Variants in OPCML observed in about 807,000 individuals in gnomAD.
OPCML encodes the protein opioid binding protein/cell adhesion molecule like.
A neutral mutation model predicts 37.8 loss-of-function variants in OPCML; 13 were observed. The ratio of observed to expected loss-of-function variants is 0.34; its 90% CI spans 0.22 to 0.55. The LOEUF (loss-of-function observed/expected upper bound fraction) is 0.55. Ranked by LOEUF, OPCML falls within the 20% of genes least tolerant of loss-of-function variation. The pLI is 0.91. For missense variants in OPCML, 341 were observed against 435.6 expected, an observed-to-expected ratio of 0.78 and a Z score of 1.93; for synonymous variants, 176 against 168.8, an observed-to-expected ratio of 1.04 and a Z score of -0.33.
intron 1 of OPCML, among the ~76,000 whole-genome samples, chr11:133,386,827 G>A (rs1945065255): frequency 6.6e-6 from 1 of 152,170 alleles, no homozygotes; most frequent in South Asian, 2.1e-4. Context: ...AAAACTGGCA[G>A]TCCAGCCCCA....
At chr11:132,964,907 G>A (rs1418443882) in intron 1 of OPCML, among the ~76,000 whole-genome samples, 1 of 152,204 alleles carries the variant, frequency 6.6e-6, no homozygotes, top group Non-Finnish European at 1.5e-5. Context: ...ATCAAGCAGA[G>A]ACTGGTGGAT....
intron 4 of OPCML, among the ~76,000 whole-genome samples, chr11:132,488,307 G>A (rs951151621): frequency 1.3e-5 from 2 of 152,216 alleles, no homozygotes; most frequent in Admixed American, 6.5e-5. Context: ...TCTGGGAAAT[G>A]TGTTGAAGGC....
intron 1 of OPCML, among the ~76,000 whole-genome samples, chr11:133,247,686 C>T (rs1244810609): frequency 6.6e-6 from 1 of 151,708 alleles, no homozygotes; most frequent in Non-Finnish European, 1.5e-5. Flanking sequence ...TCACTGCAAC[C>T]ACTGCCTCTC....
intron 1 of OPCML, among the ~76,000 whole-genome samples, chr11:132,972,912 G>C (rs1261881831): frequency 6.6e-6 from 1 of 152,100 alleles, no homozygotes; most frequent in Non-Finnish European, 1.5e-5. Context: ...ATGGAAAAAA[G>C]CACCACCTAG....
intron 1 of OPCML, among the ~76,000 whole-genome samples, chr11:133,063,767 A>G (rs1440168890): frequency 6.6e-6 from 1 of 152,036 alleles, no homozygotes; most frequent in East Asian, 1.9e-4. Context: ...TCACCATGTT[A>G]GCCAGGCTGG....
At chr11:132,752,240 C>T (rs1945861165) in intron 2 of OPCML, among the ~76,000 whole-genome samples, 2 of 150,222 alleles carry the variant, frequency 1.3e-5, no homozygotes, top group African/African-American at 4.9e-5. Flanking sequence ...CACTTCACAC[C>T]AAGCATCCCC....
rs567560577 is a variant in OPCML at position 133,174,680 on chromosome 11, G to C, written c.62-231670C>G. On this transcript the variant is annotated intron_variant, in intron 1 of 7. Transcript: ENST00000524381. The surrounding 1 kb of genome is among the most constrained non-coding windows in gnomAD (Gnocchi z 4.6). Reference sequence around the variant, plus strand: ...AAAAGCAGGGGGAAGTTAAACACCTGAGTGAAGTGTGTGTATTTCTTGTCT... The same window carrying C: ...AAAAGCAGGGGGAAGTTAAACACCTCAGTGAAGTGTGTGTATTTCTTGTCT... Among the ~76,000 whole-genome samples, 21 of 149,372 alleles carry C rather than the reference G, an allele frequency of 1.4e-4. No individual in the cohort carries two copies. Among genetic ancestry groups the C allele is most frequent in the Admixed American group, 2.7e-4 (4 of 14,988 alleles).
intron 1 of OPCML, among the ~76,000 whole-genome samples, chr11:133,285,044 A>G (rs1942260323): frequency 1.3e-5 from 2 of 152,150 alleles, no homozygotes; most frequent in South Asian, 4.2e-4. Flanking sequence ...AAATCAGAAC[A>G]CAAGAAGTGG....
chr11:133,057,977 G>A (rs184029934), intron 1 of OPCML, among the ~76,000 whole-genome samples: 90 of 152,210 alleles, frequency 5.9e-4, no homozygotes, highest in Middle Eastern at 3.4e-3. Context: ...TTACTAGTGC[G>A]TTATCTGCCT....
intron 1 of OPCML, among the ~76,000 whole-genome samples, chr11:133,055,339 G>C (rs1948212564): frequency 6.6e-6 from 1 of 150,598 alleles, no homozygotes; most frequent in African/African-American, 2.5e-5. Flanking sequence ...ACTCCATGAG[G>C]GAGCCACCTC....
At chr11:133,006,659 G>A (rs1947119159) in intron 1 of OPCML, 1 of 985,418 alleles carries the variant, frequency 1.0e-6, no homozygotes, top group Non-Finnish European at 1.2e-6. Context: ...GGTGGTCAGT[G>A]CCCTTCCCTG....
intron 1 of OPCML, among the ~76,000 whole-genome samples, chr11:133,095,669 C>G (rs1948989913): frequency 6.8e-6 from 1 of 146,384 alleles, no homozygotes; most frequent in African/African-American, 2.5e-5. Flanking sequence ...CATTCATATT[C>G]AAATTTCAGA....
intron 7 of OPCML, among the ~76,000 whole-genome samples, chr11:132,431,410 G>A (rs1018671860): frequency 6.6e-6 from 1 of 152,170 alleles, no homozygotes; most frequent in African/African-American, 2.4e-5. Flanking sequence ...TTTCCACATC[G>A]GGCCACTTTT....
At chr11:132,595,806 T>C (rs2096491565) in intron 3 of OPCML, among the ~76,000 whole-genome samples, 1 of 152,240 alleles carries the variant, frequency 6.6e-6, no homozygotes. Flanking sequence ...GCTTGCTTTC[T>C]TGGGCTATGT....
chr11:132,504,576 A>C (rs1565619554), intron 4 of OPCML, among the ~76,000 whole-genome samples: 1 of 151,822 alleles, frequency 6.6e-6, no homozygotes, highest in Admixed American at 6.6e-5. Flanking sequence ...TGGAAGATGC[A>C]CTTCCCAGGC....
intron 4 of OPCML, among the ~76,000 whole-genome samples, chr11:132,465,333 A>G (rs544862377): frequency 1.3e-5 from 2 of 152,322 alleles, no homozygotes; most frequent in Admixed American, 1.3e-4. Flanking sequence ...GTACCTGAGA[A>G]TGACCCTTTC....
intron 4 of OPCML, among the ~76,000 whole-genome samples, chr11:132,521,368 G>T (rs1015354521): frequency 3.3e-5 from 5 of 152,114 alleles, no homozygotes; most frequent in African/African-American, 1.2e-4. Flanking sequence ...CTGTGCAGAA[G>T]CTCTTTAGTT....
chr11:133,480,065 C>A lies in OPCML; in HGVS notation c.61+52199G>T, dbSNP rs545666658. Among the ~76,000 whole-genome samples the A allele has an allele frequency of 4.9e-4, 75 of 152,348 alleles. 2 individuals carry two copies. The highest frequency in any genetic ancestry group is 1.7e-3 in the African/African-American group (71 of 41,590). ...GCACACTCATTCTGTGGACCCCAAT[C>A]CAAGACACACAGTGCTCTGGGCTCC... On this transcript the variant is annotated intron_variant, in intron 1 of 7. Transcript: ENST00000524381.
At chr11:132,484,425 C>T (rs2096192485) in intron 4 of OPCML, among the ~76,000 whole-genome samples, 1 of 152,216 alleles carries the variant, frequency 6.6e-6, no homozygotes, top group South Asian at 2.1e-4. Context: ...ACAACAGGTG[C>T]TGGAGAGCTT....
Sources: gnomAD v4.1 joint callset for allele counts (sites outside exome capture counted in the v4.1 genomes callset) on GRCh38, gnomAD v4.1.1 for gene constraint, Gnocchi (gnomAD v3.1) non-coding constraint, MANE v1.5 for transcripts, NCBI Gene and HGNC (gene_info 2026-07-23, HGNC 2026-07-21) for gene names.